Variants in REEP1 observed in about 807,000 individuals in gnomAD.
The protein encoded by REEP1 is receptor expression-enhancing protein 1.
A neutral mutation model predicts 40.3 loss-of-function variants in REEP1; 22 were observed. That is an observed-to-expected ratio of 0.55 (90% CI 0.39 to 0.78). REEP1 has a LOEUF of 0.78. Among genes scored for constraint, REEP1 ranks in the 30% least tolerant of loss-of-function variants. The pLI, the probability that REEP1 is intolerant of heterozygous loss-of-function variation, is 0.00. For missense variants in REEP1, 280 were observed against 361.1 expected (o/e 0.78, Z 1.82); for synonymous variants, 116 against 139.2 (o/e 0.83, Z 1.17).
intron 2 of REEP1, among the ~76,000 whole-genome samples, chr2:86,280,738 C>T (rs1678037244): frequency 6.6e-6 from 1 of 152,102 alleles, no homozygotes; most frequent in Admixed American, 6.5e-5. Flanking sequence ...TTACGAACAG[C>T]AAGGTGCAAG....
intron 1 of REEP1, among the ~76,000 whole-genome samples, chr2:86,323,946 T>C (rs1680389247): frequency 6.6e-6 from 1 of 152,046 alleles, no homozygotes; most frequent in Non-Finnish European, 1.5e-5. Flanking sequence ...CCAGGAAAAC[T>C]GGCTTTTCAT....
At chr2:86,233,856 T>C (rs1675153583) in intron 5 of REEP1, among the ~76,000 whole-genome samples, 1 of 152,078 alleles carries the variant, frequency 6.6e-6, no homozygotes, top group Non-Finnish European at 1.5e-5. Flanking sequence ...AGGTTTTCTA[T>C]GCCACTTGGA....
At chr2:86,288,662 C>A (rs1678538412) in intron 1 of REEP1, among the ~76,000 whole-genome samples, 1 of 152,168 alleles carries the variant, frequency 6.6e-6, no homozygotes, top group African/African-American at 2.4e-5. Flanking sequence ...GAATTTACAG[C>A]ATCTTCCACC....
At chr2:86,257,090 T>G (rs1414845433) in intron 3 of REEP1, among the ~76,000 whole-genome samples, 1 of 152,186 alleles carries the variant, frequency 6.6e-6, no homozygotes, top group Non-Finnish European at 1.5e-5. Context: ...GTTTAATGTT[T>G]CACAGCCAGA....
intron 2 of REEP1, among the ~76,000 whole-genome samples, chr2:86,273,841 C>A (rs1677597438): frequency 6.6e-6 from 1 of 152,136 alleles, no homozygotes; most frequent in South Asian, 2.1e-4. Flanking sequence ...TTGAAAGTAC[C>A]TGTTTATTCC....
chr2:86,287,047 T>C (rs1157641964), intron 1 of REEP1, among the ~76,000 whole-genome samples: 1 of 152,224 alleles, frequency 6.6e-6, no homozygotes, highest in Non-Finnish European at 1.5e-5. Context: ...ACCTGAGCAC[T>C]TGCTTTATAA....
rs187923978 is a variant in REEP1 at position 86,245,978 on chromosome 2, A to C, written c.417+5979T>G. ...ACGGGGTTTCACCATGTTAGCCAGGATGGTCTCGATCTCCTGACCTCGTGA... is the reference window on the plus strand; with the variant it reads ...ACGGGGTTTCACCATGTTAGCCAGGCTGGTCTCGATCTCCTGACCTCGTGA... On this transcript the variant is annotated intron_variant, in intron 5 of 8. Transcript: ENST00000538924. Among the ~76,000 whole-genome samples, 410 of 152,012 alleles carry C rather than the reference A, an allele frequency of 2.7e-3. 2 individuals are homozygous for C. The highest frequency in any genetic ancestry group is 8.6e-3 in the African/African-American group (358 of 41,456).
At chr2:86,260,619 A>G (rs1282731229) in intron 3 of REEP1, among the ~76,000 whole-genome samples, 1 of 152,230 alleles carries the variant, frequency 6.6e-6, no homozygotes, top group Non-Finnish European at 1.5e-5. Context: ...ACAGAGTCAA[A>G]GCATGGGCAG....
chr2:86,302,981 C>G (rs900283078), intron 1 of REEP1, among the ~76,000 whole-genome samples: 2 of 152,120 alleles, frequency 1.3e-5, no homozygotes, highest in African/African-American at 4.8e-5. Flanking sequence ...ACGGTCCACT[C>G]GAGCAGATCA....
At chr2:86,288,938 T>G (rs1325189808) in intron 1 of REEP1, among the ~76,000 whole-genome samples, 2 of 152,224 alleles carry the variant, frequency 1.3e-5, no homozygotes, top group Non-Finnish European at 2.9e-5. Flanking sequence ...CTCCATTAGT[T>G]TATCTTGTTC....
chr2:86,309,849 G>A (rs538902906), intron 1 of REEP1, among the ~76,000 whole-genome samples: 4 of 152,202 alleles, frequency 2.6e-5, no homozygotes, highest in Non-Finnish European at 4.4e-5. Flanking sequence ...TTCAAAATAC[G>A]AATTTGGGGG....
chr2:86,218,976 G>A (rs1339076473), intron 8 of REEP1, among the ~76,000 whole-genome samples: 2 of 152,192 alleles, frequency 1.3e-5, no homozygotes, highest in Non-Finnish European at 2.9e-5. Context: ...CAGCAGATGG[G>A]GAATAGGAGA....
At chr2:86,287,389 T>C (rs2104414904) in intron 1 of REEP1, among the ~76,000 whole-genome samples, 1 of 152,274 alleles carries the variant, frequency 6.6e-6, no homozygotes, top group East Asian at 1.9e-4. Context: ...CACCCAGCCT[T>C]ATTTCATAAT....
rs1674333270 is a variant in REEP1, at chr2:86,220,014, T to A, written c.739A>T (p.Met247Leu). The change falls in exon 8 of 9, where the codon ATG (methionine) becomes TTG (leucine). Residue 247 changes from methionine (M) to leucine (L), a missense_variant. Met to Leu is a conservative substitution (Grantham distance 15, BLOSUM62 2). Coordinates refer to ENST00000538924, the MANE Select transcript of REEP1 (RefSeq NM_001371279.1). ...CTTCGAGGTGCTTTATACTTGTACA[T>A]GAAATCCAGCAGGTCTTCCTCCTCG... ...DDEEEDLLDF[M>L]YKYKAPRRME... 1.6e-6 allele frequency: 2 copies of A among 1,232,106 alleles called. No individual in the cohort carries two copies. Among genetic ancestry groups the A allele is most frequent in the Admixed American group, 4.2e-5 (1 of 23,698 alleles). 76.3% of individuals were successfully genotyped at this position (1,232,106 alleles called of 1,614,324 possible).
intron 3 of REEP1, among the ~76,000 whole-genome samples, chr2:86,259,639 C>T (rs1453570206): frequency 6.6e-6 from 1 of 152,024 alleles, no homozygotes; most frequent in Non-Finnish European, 1.5e-5. Context: ...CTGCTCGCCT[C>T]GGCCTCCCAA....
At chr2:86,235,132 G>T (rs1574009459) in intron 5 of REEP1, among the ~76,000 whole-genome samples, 1 of 152,200 alleles carries the variant, frequency 6.6e-6, no homozygotes, top group East Asian at 1.9e-4. Flanking sequence ...CAAGAACATG[G>T]TGCTAGGTGC....
chr2:86,329,974 G>C (rs1390927103), intron 1 of REEP1, among the ~76,000 whole-genome samples: 2 of 152,216 alleles, frequency 1.3e-5, no homozygotes, highest in Non-Finnish European at 2.9e-5. Context: ...GCTTCATGGA[G>C]AAAGGTAGAG....
intron 3 of REEP1, among the ~76,000 whole-genome samples, chr2:86,257,459 T>C (rs551446560): frequency 6.6e-6 from 1 of 152,054 alleles, no homozygotes; most frequent in South Asian, 2.1e-4. Flanking sequence ...CTTCCAGAGG[T>C]AGACTAGGGC....
intron 1 of REEP1, among the ~76,000 whole-genome samples, chr2:86,323,378 C>A (rs1360958318): frequency 6.6e-6 from 1 of 152,138 alleles, no homozygotes; most frequent in Non-Finnish European, 1.5e-5. Flanking sequence ...GGCCCCCAAC[C>A]CCTGGGCTGC....
Sources: gnomAD v4.1 joint callset for allele counts (sites outside exome capture counted in the v4.1 genomes callset) on GRCh38, gnomAD v4.1.1 for gene constraint, MANE v1.5 for transcripts, NCBI Gene and HGNC (gene_info 2026-07-23, HGNC 2026-07-21) for gene names.